UGGT1: variants seen among roughly 807,000 people sequenced by gnomAD.
UGGT1 encodes UDP-glucose:glycoprotein glucosyltransferase 1.
A neutral mutation model predicts 203.9 loss-of-function variants in UGGT1; 107 were observed. The ratio of observed to expected loss-of-function variants is 0.52; its 90% CI spans 0.45 to 0.62. UGGT1 has a LOEUF of 0.62. UGGT1 is among the 20% of genes least tolerant of loss of function. The pLI, the probability that UGGT1 is intolerant of heterozygous loss-of-function variation, is 0.00. For synonymous variants in UGGT1, 628 were observed against 653.5 expected (o/e 0.96, Z 0.59); for missense variants, 1,673 against 1,867.2 (o/e 0.90, Z 1.92).
intron 16 of UGGT1, among the ~76,000 whole-genome samples, chr2:128,142,542 G>T (rs1318870003): frequency 1.4e-5 from 2 of 146,614 alleles, no homozygotes; most frequent in African/African-American, 5.1e-5. Context: ...CCAAGATTGT[G>T]CCACTGCACT....
Position 128,157,234 on chromosome 2 carries a change from G to A in UGGT1, c.2261-18G>A, listed in dbSNP as rs1690279977. ...CTTCTCTCCTCTGACTCAATTAGCTGTTTTTGTTTTTCTACAGATGATTCT... is the reference window on the plus strand; with the variant it reads ...CTTCTCTCCTCTGACTCAATTAGCTATTTTTGTTTTTCTACAGATGATTCT... On this transcript the variant is annotated intron_variant, in intron 21 of 40. Coordinates refer to ENST00000259253, the MANE Select transcript of UGGT1 (RefSeq NM_020120.4). 1 of 1,591,526 alleles carries A rather than the reference G, an allele frequency of 6.3e-7. No homozygotes were observed. Among genetic ancestry groups the A allele is most frequent in the South Asian group, 1.1e-5 (1 of 90,584 alleles).
Position 128,183,778 on chromosome 2 carries a change from A to G in UGGT1, c.4348A>G (p.Asn1450Asp), listed in dbSNP as rs1429685216. 4 of 1,613,532 alleles carry G rather than the reference A, an allele frequency of 2.5e-6. No individual in the cohort carries two copies. In the African/African-American group the frequency reaches 4.0e-5, roughly 16 times the overall value. The change falls in exon 38 of 41, where the codon AAT becomes GAT. Residue 1450 changes from asparagine (N) to aspartate (D), a missense_variant. Physicochemically the swap from Asn to Asp is conservative, Grantham distance 23. This residue lies in a region of UGGT1 where 513 missense variants were observed against 684.1 expected (regional missense o/e 0.75). Transcript: ENST00000259253. ...GAGTCAGGACCCTAACAGCCTTTCAAATCTTGATCAAGTAAGTGTCCATTT... is the reference window on the plus strand; with the variant it reads ...GAGTCAGGACCCTAACAGCCTTTCAGATCTTGATCAAGTAAGTGTCCATTT... ...GLSQDPNSLS[N>D]LDQDLPNNMI...
Position 128,183,797 on chromosome 2 carries a change from T to TC in UGGT1, c.4359+10dup. 1 of 1,607,900 alleles carries TC rather than the reference T, an allele frequency of 6.2e-7. No homozygotes were observed. The highest frequency in any genetic ancestry group is 8.5e-7 in the Non-Finnish European group (1 of 1,174,434). On this transcript the variant is annotated intron_variant, in intron 38 of 40. Coordinates refer to ENST00000259253, the MANE Select transcript of UGGT1 (RefSeq NM_020120.4). The stretch of plus-strand genomic sequence containing the variant: ...CTTTCAAATCTTGATCAAGTAAGTG[T>TC]CCATTTTTTATGGTTAACTGTGAGT...
At chr2:128,172,475 C>T (rs1691153537) in intron 28 of UGGT1, 98 bp from the exon 29 acceptor site, 1 of 1,365,600 alleles carries the variant, frequency 7.3e-7, no homozygotes. Flanking sequence ...TCCTCCAAAT[C>T]TAATTTGTTT....
intron 25 of UGGT1, among the ~76,000 whole-genome samples, chr2:128,162,413 T>A (rs1486271356): frequency 6.6e-6 from 1 of 150,796 alleles, no homozygotes; most frequent in East Asian, 2.0e-4. Flanking sequence ...GCACTCCAGC[T>A]TGGGTGACAA....
At chr2:128,115,499 AAAAAAAC>A (rs1474171224) in intron 7 of UGGT1, among the ~76,000 whole-genome samples, 3 of 151,258 alleles carry the variant, frequency 2.0e-5, no homozygotes, top group Non-Finnish European at 4.4e-5. Flanking sequence ...AAAAAAAAAA[AAAAAAAC>A]AAAAACCCTC....
Position 128,180,999 on chromosome 2 carries a change from G to A in UGGT1, c.4010G>A (p.Gly1337Asp). 1 of 1,614,188 alleles carries A rather than the reference G, an allele frequency of 6.2e-7. No homozygotes were observed. The highest frequency in any genetic ancestry group is 8.5e-7 in the Non-Finnish European group (1 of 1,180,032). ...ACTGAAAAACAGCGTATCATCTGGG[G>A]TTACAAGATCCTCTTCCTGGATGTA... is the stretch of plus-strand genomic sequence containing the variant. ...QQTEKQRIIW[G>D]YKILFLDVLF... Residue 1337 changes from glycine to aspartate, a missense_variant, in exon 36 of 41, where the codon GGT becomes GAT. Gly to Asp is a moderately conservative substitution (Grantham distance 94). Around this residue, in one of 4 missense-constraint regions of UGGT1, gnomAD observed 513 missense variants for 684.1 expected, o/e 0.75. Transcript: ENST00000259253.
In UGGT1 at chr2:128,193,737, C is replaced by G. The variant is rs1692386518; in HGVS notation, c.*3995C>G. 1 of 152,128 alleles carries G rather than the reference C, an allele frequency of 6.6e-6. No individual in the cohort carries two copies. The allele number at this position is 152,128 out of a possible 1,614,324, so 9.4% of individuals were successfully genotyped here. ...TTAGCCAGGAAACCTGCTCTACTGA[C>G]CCCGTGACTTGGACAGTCAGACATC... On this transcript the variant is annotated 3_prime_UTR_variant, in exon 41 of 41. Coordinates refer to ENST00000259253, the MANE Select transcript of UGGT1 (RefSeq NM_020120.4).
Position 128,120,586 on chromosome 2 carries a change from G to A in UGGT1, c.973+130G>A, listed in dbSNP as rs1044158313. 8 of 716,074 alleles carry A rather than the reference G, an allele frequency of 1.1e-5. No homozygotes were observed. The African/African-American group carries it at 1.2e-4, about 11-fold the overall frequency. 44.4% of individuals were successfully genotyped at this position (716,074 alleles called of 1,614,324 possible). On this transcript the variant is annotated intron_variant, in intron 9 of 40. Transcript: ENST00000259253. ...GGTGCCTCAGATTTTAAAGATAAGA[G>A]TGATTAATTACGATTAATCAGGGAA...
At position 128,117,993 on chromosome 2, in the gene UGGT1, TGA is replaced by T. The variant is rs139003872; in HGVS notation, c.872+1672_872+1673del. Among the ~76,000 whole-genome samples, 530 of 97,684 alleles carry T rather than the reference TGA, an allele frequency of 5.4e-3. 2 individuals are homozygous for T. Among genetic ancestry groups the T allele is most frequent in the African/African-American group, 0.014 (460 of 32,790 alleles). The allele number at this position is 97,684 out of a possible 152,430, so 64.1% of individuals were successfully genotyped here. On this transcript the variant is annotated intron_variant, in intron 8 of 40. Coordinates refer to ENST00000259253, the MANE Select transcript of UGGT1 (RefSeq NM_020120.4). ...GTGTGTGTGTCTGTGTGTGTGTGTG[TGA>T]GAGAGAGAGAGAGAGAGAGAGGGAA... is the stretch of plus-strand genomic sequence containing the variant.
At chr2:128,116,057 A>G (rs1014011758) in intron 7 of UGGT1, among the ~76,000 whole-genome samples, 3 of 152,216 alleles carry the variant, frequency 2.0e-5, no homozygotes, top group Non-Finnish European at 4.4e-5. Flanking sequence ...ATCCAGGAAC[A>G]CAGGAGATAT....
intron 26 of UGGT1, among the ~76,000 whole-genome samples, chr2:128,169,265 G>A (rs781399876): frequency 6.6e-6 from 1 of 151,978 alleles, no homozygotes; most frequent in Non-Finnish European, 1.5e-5. Flanking sequence ...TAGCTACTTA[G>A]GAGGCTAAGT....
chr2:128,113,257 T>A lies in UGGT1; in HGVS notation c.695T>A (p.Phe232Tyr), dbSNP rs1412164298. Residue 232 changes from phenylalanine to tyrosine, a missense_variant and splice_region_variant, in exon 6 of 41, where the codon TTT becomes TAT. This residue lies in a region of UGGT1 where 1,073 missense variants were observed against 1,078.7 expected (regional missense o/e 0.99). Transcript: ENST00000259253. ...KINYVFRHYI[F>Y]NPRKEPVYLS... ...AATTATGTATTCAGACATTATATAT[T>A]TGTAAGTATTGACTTATTTTACACC... is the stretch of plus-strand genomic sequence containing the variant. 4 of 1,592,992 alleles carry A rather than the reference T, an allele frequency of 2.5e-6. No individual in the cohort carries two copies. The highest frequency in any genetic ancestry group is 2.6e-6 in the Non-Finnish European group (3 of 1,167,750).
chr2:128,163,584 G>A (rs967851941), intron 25 of UGGT1, among the ~76,000 whole-genome samples: 3 of 151,946 alleles, frequency 2.0e-5, no homozygotes, highest in Admixed American at 6.6e-5. Context: ...GCATGGTGGC[G>A]GGCGCCTGTG....
In UGGT1 at chr2:128,134,895, C is replaced by A. The variant is rs1689062274; in HGVS notation, c.1517C>A (p.Ala506Glu). The change falls in exon 15 of 41, where the codon GCA (alanine) becomes GAA (glutamate). Residue 506 changes from alanine (A) to glutamate (E), a missense_variant. Coordinates refer to ENST00000259253, the MANE Select transcript of UGGT1 (RefSeq NM_020120.4). ...LHNMVFIVDP[A>E]HETTAELMNT... ...CAACAGGTTTTCATAGTTGATCCTG[C>A]ACATGAGACCACAGCAGAGTTGATG... is the stretch of plus-strand genomic sequence containing the variant. 6.2e-7 allele frequency: 1 copy of A among 1,613,728 alleles called. No individual in the cohort carries two copies. Among genetic ancestry groups the A allele is most frequent in the African/African-American group, 1.3e-5 (1 of 74,928 alleles).
chr2:128,171,131 A>G (rs1421245329), intron 27 of UGGT1, 74 bp from the exon 28 acceptor site: 1 of 1,342,184 alleles, frequency 7.5e-7, no homozygotes, highest in African/African-American at 1.5e-5. Flanking sequence ...TTGAGATATT[A>G]ATAGCTCAGT....
intron 3 of UGGT1, among the ~76,000 whole-genome samples, chr2:128,107,508 A>C (rs1484832055): frequency 1.3e-5 from 2 of 152,242 alleles, no homozygotes; most frequent in Non-Finnish European, 2.9e-5. Context: ...TGGGGTATAG[A>C]TAGACAGTGA....
intron 18 of UGGT1, among the ~76,000 whole-genome samples, chr2:128,146,955 A>T (rs1306601212): frequency 6.6e-6 from 1 of 152,178 alleles, no homozygotes; most frequent in Non-Finnish European, 1.5e-5. Flanking sequence ...AACCTGAGTC[A>T]TTGCATTAGC....
chr2:128,136,239 A>G (rs1689125133), intron 15 of UGGT1, among the ~76,000 whole-genome samples: 1 of 152,220 alleles, frequency 6.6e-6, no homozygotes, highest in African/African-American at 2.4e-5. Flanking sequence ...ACTAAACTCC[A>G]TAGTTTACAT....
Sources: gnomAD v4.1 joint callset for allele counts (sites outside exome capture counted in the v4.1 genomes callset) on GRCh38, gnomAD v4.1.1 for gene constraint, gnomAD v4.1.1 regional missense constraint, MANE v1.5 for transcripts, NCBI Gene and HGNC (gene_info 2026-07-23, HGNC 2026-07-21) for gene names.